The following TMEM43 variants were observed in gnomAD, a reference collection of about 807,000 sequenced individuals.
The protein encoded by TMEM43 is arrhythmogenic right ventricular dysplasia 5.
In TMEM43, 45 loss-of-function variants were observed where a neutral mutation model predicts 49.6. That is an observed-to-expected ratio of 0.91 (90% CI 0.71 to 1.16). TMEM43 has a LOEUF of 1.16. TMEM43 is among the 50% of genes most tolerant of loss of function. The pLI is 0.00. For missense variants in TMEM43, 532 were observed against 516.6 expected, an observed-to-expected ratio of 1.03 and a Z score of -0.29; for synonymous variants, 199 against 207.8, an observed-to-expected ratio of 0.96 and a Z score of 0.36.
chr3:14,140,373 C>G (rs1240351857), intron 11 of TMEM43, among the ~76,000 whole-genome samples: 6 of 152,062 alleles, frequency 3.9e-5, no homozygotes, highest in Admixed American at 3.9e-4. Flanking sequence ...TCTGTGATCC[C>G]AATTCACTCT....
chr3:14,137,597 A>C (rs544640333), intron 10 of TMEM43, among the ~76,000 whole-genome samples: 1 of 152,308 alleles, frequency 6.6e-6, no homozygotes, highest in African/African-American at 2.4e-5. Flanking sequence ...AGCTCAGGGC[A>C]AAAGTCAGGA....
rs536955255 is a variant in TMEM43, at chr3:14,126,454, G to T, written c.12+1249G>T. ...TGGCCGGCTTGGCATGCTGTGACAC[G>T]GAAATATGCTGAAAAGGGCAGGCTT... On this transcript the variant is annotated intron_variant, in intron 1 of 11. Transcript: ENST00000306077. 2.0e-5 allele frequency among the ~76,000 whole-genome samples: 3 copies of T among 152,280 alleles called. No individual in the cohort carries two copies. In the East Asian group the frequency reaches 5.8e-4, roughly 29 times the overall value.
chr3:14,135,381 T>C (rs1369052838), intron 9 of TMEM43, 149 bp downstream of exon 9: 1 of 743,846 alleles, frequency 1.3e-6, no homozygotes, highest in Middle Eastern at 2.3e-4. Flanking sequence ...GGCACGCTTC[T>C]GAGCAGTTTC....
rs765654587 is a variant in TMEM43, at chr3:14,129,607, T to C, written c.162+46T>C. 13 of 1,609,982 alleles carry C rather than the reference T, an allele frequency of 8.1e-6. No homozygotes were observed. In the Admixed American group the frequency reaches 1.8e-4, roughly 23 times the overall value. ...CTGTGCAGAGTGAGAGTCCCCACCATGTCAGAGAGCAAAGGCGATGAACCC... is the reference window on the plus strand; with the variant it reads ...CTGTGCAGAGTGAGAGTCCCCACCACGTCAGAGAGCAAAGGCGATGAACCC... On this transcript the variant is annotated intron_variant, in intron 2 of 11. Transcript: ENST00000306077.
intron 10 of TMEM43, among the ~76,000 whole-genome samples, chr3:14,136,691 G>A (rs904242773): frequency 7.3e-6 from 1 of 136,370 alleles, no homozygotes; most frequent in African/African-American, 3.1e-5. Flanking sequence ...GCCCAGAGCG[G>A]GGAGAGGGAG....
At chr3:14,130,000 T>C (rs942562819) in intron 2 of TMEM43, among the ~76,000 whole-genome samples, 2 of 152,052 alleles carry the variant, frequency 1.3e-5, no homozygotes, top group Non-Finnish European at 2.9e-5. Context: ...TTCTTTCTTT[T>C]CCTTTCTTTC....
rs1027914711 is a variant in TMEM43, at chr3:14,131,575, T to A, written c.298-5T>A. 1.4e-5 allele frequency: 22 copies of A among 1,613,988 alleles called. No individual in the cohort carries two copies. Among genetic ancestry groups the A allele is most frequent in the Non-Finnish European group, 1.5e-5 (18 of 1,179,842 alleles). On this transcript the variant is annotated splice_region_variant and splice_polypyrimidine_tract_variant and intron_variant, in intron 3 of 11. Transcript: ENST00000306077. Reference sequence around the variant, plus strand: ...TTTTTTTGGTTTCTTTGATTCTGTTTGAAGCTTTTGTCTGATCCAAACTAT... The same window carrying A: ...TTTTTTTGGTTTCTTTGATTCTGTTAGAAGCTTTTGTCTGATCCAAACTAT...
At position 14,135,145 on chromosome 3, in the gene TMEM43, C is replaced by T. The variant is rs1035611498; in HGVS notation, c.706-13C>T. The T allele has an allele frequency of 3.1e-6, 5 of 1,610,944 alleles. No homozygotes were observed. Among genetic ancestry groups the T allele is most frequent in the Non-Finnish European group, 3.4e-6 (4 of 1,179,468 alleles). On this transcript the variant is annotated splice_polypyrimidine_tract_variant and intron_variant, in intron 8 of 11. Coordinates refer to ENST00000306077, the MANE Select transcript of TMEM43 (RefSeq NM_024334.3). ...TCCGTTCCTCACTCTCCCTGCTTCT[C>T]TTCCACCCCCAGGTGGGAGACTTGC... is the stretch of plus-strand genomic sequence containing the variant.
chr3:14,133,573 G>T (rs909924296), intron 6 of TMEM43, among the ~76,000 whole-genome samples, 166 bp from the exon 7 acceptor site: 3 of 152,270 alleles, frequency 2.0e-5, no homozygotes, highest in Middle Eastern at 6.8e-3. Flanking sequence ...AGGGGAGGGG[G>T]CACAGGGCCC....
chr3:14,130,137 T>A (rs912952258), intron 2 of TMEM43, among the ~76,000 whole-genome samples: 4 of 152,024 alleles, frequency 2.6e-5, no homozygotes, highest in African/African-American at 2.4e-5. Flanking sequence ...TCCTTTTTTT[T>A]AATAGGGCCT....
At chr3:14,134,560 G>T (rs1288099920) in intron 7 of TMEM43, among the ~76,000 whole-genome samples, 1 of 152,198 alleles carries the variant, frequency 6.6e-6, no homozygotes, top group Non-Finnish European at 1.5e-5. Context: ...ACTCTGACTT[G>T]GTGGGAGAGG....
intron 1 of TMEM43, among the ~76,000 whole-genome samples, chr3:14,128,628 G>A (rs1574936226): frequency 6.6e-6 from 1 of 152,326 alleles, no homozygotes; most frequent in East Asian, 1.9e-4. Context: ...CCCCACAAGG[G>A]CTAGCACTGC....
intron 10 of TMEM43, among the ~76,000 whole-genome samples, chr3:14,136,706 TG>T (rs891453799): frequency 8.1e-5 from 10 of 123,396 alleles, no homozygotes; most frequent in African/African-American, 3.5e-4. Flanking sequence ...AGGGAGTGGG[TG>T]GGGGGGCTCC....
chr3:14,140,647 C>T (rs958616944), intron 11 of TMEM43, among the ~76,000 whole-genome samples: 5 of 152,184 alleles, frequency 3.3e-5, no homozygotes, highest in African/African-American at 4.8e-5. Context: ...TTTCTTAATT[C>T]CCTGAGTCTC....
intron 2 of TMEM43, 118 bp downstream of exon 2, chr3:14,129,679 G>GGA (rs1335205061): frequency 2.0e-5 from 22 of 1,106,798 alleles, no homozygotes; most frequent in Admixed American, 1.6e-4. Context: ...AAAAGAGAAA[G>GGA]GAGGATACTG....
intron 2 of TMEM43, 106 bp downstream of exon 2, chr3:14,129,667 T>C: frequency 8.0e-7 from 1 of 1,254,644 alleles, no homozygotes; most frequent in South Asian, 1.2e-5. Flanking sequence ...GCCTAGATTT[T>C]AAAAAGAGAA....
chr3:14,128,003 A>G (rs1383424613), intron 1 of TMEM43, among the ~76,000 whole-genome samples: 1 of 152,198 alleles, frequency 6.6e-6, no homozygotes, highest in East Asian at 1.9e-4. Flanking sequence ...TAACATTTCT[A>G]CTAGCTAACA....
Position 14,141,694 on chromosome 3 carries a change from T to C in TMEM43, c.1102T>C (p.Trp368Arg), listed in dbSNP as rs1695248861. Reference protein sequence around the residue: ...SLTLLTVAAGWLFYRPLWALL... With the variant: ...SLTLLTVAAGRLFYRPLWALL... ...GACCCTGCTGACCGTGGCGGCTGGCTGGCTCTTCTACCGACCCCTGTGGGC... is the reference window on the plus strand; with the variant it reads ...GACCCTGCTGACCGTGGCGGCTGGCCGGCTCTTCTACCGACCCCTGTGGGC... The change falls in exon 12 of 12, where the codon TGG becomes CGG. Residue 368 changes from tryptophan (W) to arginine (R), a missense_variant. By Grantham distance (101) the Trp-to-Arg change is moderately radical. Transcript: ENST00000306077. 1.2e-6 allele frequency: 2 copies of C among 1,614,108 alleles called. No homozygotes were observed. Among genetic ancestry groups the C allele is most frequent in the Admixed American group, 1.7e-5 (1 of 60,016 alleles).
intron 10 of TMEM43, 42 bp downstream of exon 10, chr3:14,135,950 GTCCT>G (rs757724015): frequency 2.4e-5 from 37 of 1,521,678 alleles, no homozygotes; most frequent in Middle Eastern, 3.4e-4. Context: ...GAACAAGCAT[GTCCT>G]TCCTTCCTTC....
Sources: allele counts gnomAD v4.1 joint callset (sites outside exome capture counted in the v4.1 genomes callset), GRCh38; gene constraint gnomAD v4.1.1; transcripts MANE v1.5; gene names NCBI Gene and HGNC (gene_info 2026-07-23, HGNC 2026-07-21).